The following MAB21L3 variants were observed in gnomAD, a reference collection of about 807,000 sequenced individuals.
MAB21L3 encodes the protein protein mab-21-like 3.
Under a neutral mutation model 37.7 loss-of-function variants are expected in MAB21L3, and 36 were observed. The ratio of observed to expected loss-of-function variants is 0.96; its 90% CI spans 0.73 to 1.26. The LOEUF (loss-of-function observed/expected upper bound fraction) is 1.26. MAB21L3 is among the 50% of genes most tolerant of loss of function. The pLI is 0.00. For synonymous variants in MAB21L3, 186 were observed against 176.8 expected (o/e 1.05, Z -0.41); for missense variants, 430 against 447.3 (o/e 0.96, Z 0.35).
Position 116,133,299 on chromosome 1 carries a change from T to A in MAB21L3, c.1023T>A (p.Thr341=). 4 of 1,614,202 alleles carry A rather than the reference T, an allele frequency of 2.5e-6. No individual in the cohort carries two copies. Among genetic ancestry groups the A allele is most frequent in the Non-Finnish European group, 3.4e-6 (4 of 1,180,022 alleles). Reference sequence around the variant, plus strand: ...ACCTCTTTCAGTGCACCAACCCGACTGAACTGGACACTGTGGCCCAAAAGC... The same window carrying A: ...ACCTCTTTCAGTGCACCAACCCGACAGAACTGGACACTGTGGCCCAAAAGC... ...NSNLFQCTNP[T]ELDTVAQKLA... The change falls in exon 8 of 8, where the codon ACT becomes ACA. Residue 341 remains threonine (T), a synonymous_variant. Transcript: ENST00000369500.
At chr1:116,132,981 A>T (rs1451493116) in intron 7 of MAB21L3, 151 bp from the exon 8 acceptor site, 1 of 670,794 alleles carries the variant, frequency 1.5e-6, no homozygotes, top group African/African-American at 1.8e-5. Context: ...GGCCCACCTG[A>T]AGTTGGGGAT....
rs1660220406 is a variant in MAB21L3, at chr1:116,137,514, T to G, written c.*4149T>G. ...GGATGTGGAGAAATAGGAAAACTTT[T>G]ACACTGTTGGTGGGACTGTAAACTA... On this transcript the variant is annotated 3_prime_UTR_variant, in exon 8 of 8. Transcript: ENST00000369500. 6.7e-6 allele frequency among the ~76,000 whole-genome samples: 1 copy of G among 149,246 alleles called. No homozygotes were observed. The highest frequency in any genetic ancestry group is 2.1e-4 in the South Asian group (1 of 4,698).
rs11093502 is a variant in MAB21L3, at chr1:116,135,452, C to A, written c.*2087C>A. 0.014 allele frequency among the ~76,000 whole-genome samples: 2,097 copies of A among 152,090 alleles called. 50 individuals are homozygous for A. The highest frequency in any genetic ancestry group is 0.048 in the African/African-American group (1,985 of 41,456). On this transcript the variant is annotated 3_prime_UTR_variant, in exon 8 of 8. Transcript: ENST00000369500. ...GGAAGAAGTTGAATCTCTGAATAGA[C>A]CAATAACAGGATCTGAAATTGTGGC...
At chr1:116,125,584 G>C (rs1659885839) in intron 5 of MAB21L3, among the ~76,000 whole-genome samples, 1 of 150,558 alleles carries the variant, frequency 6.6e-6, no homozygotes, top group Non-Finnish European at 1.5e-5. Flanking sequence ...AACAATATGA[G>C]ATTCCATCTG....
intron 4 of MAB21L3, among the ~76,000 whole-genome samples, chr1:116,123,632 G>A (rs1258584794): frequency 1.3e-5 from 2 of 152,176 alleles, no homozygotes; most frequent in African/African-American, 4.8e-5. Flanking sequence ...AAGCCCCTCT[G>A]CATCTTGAAT....
Position 116,135,437 on chromosome 1 carries a change from G to A in MAB21L3, c.*2072G>A, listed in dbSNP as rs1660181845. Among the ~76,000 whole-genome samples the A allele has an allele frequency of 6.6e-6, 1 of 152,028 alleles. No individual in the cohort carries two copies. The highest frequency in any genetic ancestry group is 1.5e-5 in the Non-Finnish European group (1 of 68,022). ...CCCAAGACTAAACCAGGAAGAAGTTGAATCTCTGAATAGACCAATAACAGG... is the reference window on the plus strand; with the variant it reads ...CCCAAGACTAAACCAGGAAGAAGTTAAATCTCTGAATAGACCAATAACAGG... On this transcript the variant is annotated 3_prime_UTR_variant, in exon 8 of 8. Transcript: ENST00000369500.
At position 116,121,053 on chromosome 1, in the gene MAB21L3, C is replaced by G. The variant is rs375286148; in HGVS notation, c.170C>G (p.Thr57Arg). Residue 57 changes from threonine to arginine, a missense_variant, in exon 4 of 8, where the codon ACG (threonine) becomes AGG (arginine). Transcript: ENST00000369500. ...TTTCAAGCTGTGCCTTACTCTGACA[C>G]GTACAATGAAAATATTAAGGTAAGC... ...IRFQAVPYSD[T>R]YNENIKVLAP... 13 of 1,613,616 alleles carry G rather than the reference C, an allele frequency of 8.1e-6. No homozygotes were observed. The highest frequency in any genetic ancestry group is 1.3e-5 in the African/African-American group (1 of 74,884).
In MAB21L3 at chr1:116,135,352, C is replaced by G. The variant is rs1223814992; in HGVS notation, c.*1987C>G. 6.6e-6 allele frequency: 1 copy of G among 152,184 alleles called. No individual in the cohort carries two copies. Among genetic ancestry groups the G allele is most frequent in the South Asian group, 2.1e-4 (1 of 4,828 alleles). 9.4% of individuals were successfully genotyped at this position (152,184 alleles called of 1,614,324 possible). A position where few individuals can be genotyped will look rare whatever the true frequency, so the allele number is the denominator to read the frequency against. ...CCATCAGAGAATACTACAAACTCCT[C>G]TACGCAAATAAACTAGAAAATCTAG... On this transcript the variant is annotated 3_prime_UTR_variant, in exon 8 of 8. Coordinates refer to ENST00000369500, the MANE Select transcript of MAB21L3 (RefSeq NM_152367.3).
rs1301971504 is a variant in MAB21L3, at chr1:116,111,449, C to G, written c.-453C>G. ...GCTGAGGCCCCAAATAGTGCAGTGG[C>G]CTTTGTGGGCAGCACTTACAGGTGG... On this transcript the variant is annotated 5_prime_UTR_variant, in exon 1 of 8. Coordinates refer to ENST00000369500, the MANE Select transcript of MAB21L3 (RefSeq NM_152367.3). 2.6e-5 allele frequency among the ~76,000 whole-genome samples: 4 copies of G among 152,130 alleles called. No homozygotes were observed. The East Asian group carries it at 5.8e-4, about 22-fold the overall frequency.
At chr1:116,115,561 T>C (rs551901013) in intron 3 of MAB21L3, among the ~76,000 whole-genome samples, 2 of 152,294 alleles carry the variant, frequency 1.3e-5, no homozygotes, top group South Asian at 4.2e-4. Context: ...TAACACTCAT[T>C]GGGAATGACA....
chr1:116,122,529 G>C (rs986049241), intron 4 of MAB21L3, among the ~76,000 whole-genome samples: 1 of 152,140 alleles, frequency 6.6e-6, no homozygotes, highest in African/African-American at 2.4e-5. Flanking sequence ...TTTTAACTTA[G>C]ATCAAAATCA....
rs142438557 is a variant in MAB21L3, at chr1:116,125,515, A to T, written c.481+1158A>T. ...AAAGAACAGGCATATGCCCATGCAT[A>T]CATACAGAGCTATGAAAAATGCATG... On this transcript the variant is annotated intron_variant, in intron 5 of 7. Transcript: ENST00000369500. 1.5e-3 allele frequency among the ~76,000 whole-genome samples: 223 copies of T among 152,376 alleles called. 6 individuals are homozygous for T. The highest frequency in any genetic ancestry group is 0.014 in the Admixed American group (209 of 15,308).
In MAB21L3 at chr1:116,135,493, AC is replaced by A. The variant is rs1419914615; in HGVS notation, c.*2130del. On this transcript the variant is annotated 3_prime_UTR_variant, in exon 8 of 8. Coordinates refer to ENST00000369500, the MANE Select transcript of MAB21L3 (RefSeq NM_152367.3). Reference sequence around the variant, plus strand: ...AAATTGTGGCAATAATCAATAGCTTACCAACCAAAAAGAGTCCAGGACCAGA... The same window carrying A: ...AAATTGTGGCAATAATCAATAGCTTACAACCAAAAAGAGTCCAGGACCAGA... Among the ~76,000 whole-genome samples the A allele has an allele frequency of 4.6e-5, 7 of 152,130 alleles. No individual in the cohort carries two copies. Among genetic ancestry groups the A allele is most frequent in the African/African-American group, 1.7e-4 (7 of 41,430 alleles).
At chr1:116,132,960 G>A (rs900848087) in intron 7 of MAB21L3, among the ~76,000 whole-genome samples, 172 bp from the exon 8 acceptor site, 2 of 152,164 alleles carry the variant, frequency 1.3e-5, no homozygotes, top group African/African-American at 2.4e-5. Context: ...GAGACCAGCT[G>A]GTAAACTGAA....
chr1:116,119,273 A>G (rs1659674819), intron 3 of MAB21L3, among the ~76,000 whole-genome samples: 1 of 152,234 alleles, frequency 6.6e-6, no homozygotes, highest in African/African-American at 2.4e-5. Flanking sequence ...CCCACCACAG[A>G]GGACATGCTA....
intron 3 of MAB21L3, among the ~76,000 whole-genome samples, chr1:116,115,043 C>T (rs993634748): frequency 6.6e-6 from 1 of 152,144 alleles, no homozygotes; most frequent in Non-Finnish European, 1.5e-5. Flanking sequence ...CTTTGGAAGG[C>T]TGCTACCTGT....
In MAB21L3 at chr1:116,135,825, T is replaced by C. The variant is rs2101621733; in HGVS notation, c.*2460T>C. Among the ~76,000 whole-genome samples the C allele has an allele frequency of 6.6e-6, 1 of 150,568 alleles. No homozygotes were observed. The highest frequency in any genetic ancestry group is 1.9e-4 in the East Asian group (1 of 5,130). The stretch of plus-strand genomic sequence containing the variant: ...CCTGGGATGCAAGGCTGGTTCAATA[T>C]ACGCAAATCAATAAATGTAATCCAG... On this transcript the variant is annotated 3_prime_UTR_variant, in exon 8 of 8. Transcript: ENST00000369500.
In MAB21L3 at chr1:116,113,602, T is replaced by C. The variant is rs1659489550; in HGVS notation, c.48+939T>C. ...CCCTCCGCTCCCCCTGCATTTCCAA[T>C]AGCAGAAATCCTAAACAGTGTTCGA... On this transcript the variant is annotated intron_variant, in intron 3 of 7. Coordinates refer to ENST00000369500, the MANE Select transcript of MAB21L3 (RefSeq NM_152367.3). Among the ~76,000 whole-genome samples the C allele has an allele frequency of 2.6e-5, 4 of 152,214 alleles. No homozygotes were observed. In the South Asian group the frequency reaches 8.3e-4, roughly 32 times the overall value.
chr1:116,127,837 G>C (rs544711981), intron 6 of MAB21L3, among the ~76,000 whole-genome samples, 193 bp downstream of exon 6: 1 of 152,294 alleles, frequency 6.6e-6, no homozygotes, highest in Non-Finnish European at 1.5e-5. Context: ...CCCCCACTCT[G>C]GACCTGCTGA....
Sources: gnomAD v4.1 joint callset for allele counts (sites outside exome capture counted in the v4.1 genomes callset) on GRCh38, gnomAD v4.1.1 for gene constraint, MANE v1.5 for transcripts, NCBI Gene and HGNC (gene_info 2026-07-23, HGNC 2026-07-21) for gene names.